Variants in NRG3 observed in about 807,000 individuals in gnomAD.
The protein encoded by NRG3 is neuregulin 3.
NRG3 carries 31 observed loss-of-function variants against 66.9 expected under a neutral mutation model. The ratio of observed to expected loss-of-function variants is 0.46; its 90% CI spans 0.35 to 0.63. The LOEUF (loss-of-function observed/expected upper bound fraction) is 0.63. Among genes scored for constraint, NRG3 ranks in the 20% least tolerant of loss-of-function variants. NRG3 has a pLI of 0.00. For synonymous variants in NRG3, 393 were observed against 359.4 expected, an observed-to-expected ratio of 1.09 and a Z score of -1.06; for missense variants, 910 against 878.9, an observed-to-expected ratio of 1.04 and a Z score of -0.45.
intron 1 of NRG3, among the ~76,000 whole-genome samples, chr10:82,245,978 GTTTT>G (rs372596396): frequency 1.9e-5 from 2 of 103,298 alleles, no homozygotes; most frequent in African/African-American, 3.8e-5. Flanking sequence ...CAGTCTTCTG[GTTTT>G]TTTTTTTTTT....
intron 4 of NRG3, among the ~76,000 whole-genome samples, chr10:82,943,978 T>G (rs942873656): frequency 1.3e-5 from 2 of 152,212 alleles, no homozygotes; most frequent in Non-Finnish European, 2.9e-5. Flanking sequence ...AGTAGCATAC[T>G]TGCAGTCACT....
In NRG3 at chr10:81,968,873, A is replaced by T. The variant is rs2059826992; in HGVS notation, c.823+92710A>T. Among the ~76,000 whole-genome samples, 2 of 152,112 alleles carry T rather than the reference A, an allele frequency of 1.3e-5. 1 individual carries two copies. Among genetic ancestry groups the T allele is most frequent in the South Asian group, 4.1e-4 (2 of 4,826 alleles). ...GAGGCAGGTGCTTATCTCTTTGGAG[A>T]TGTGCTGAGGCAGAATCAGATCAAC... On this transcript the variant is annotated intron_variant, in intron 1 of 8. Coordinates refer to ENST00000372141, the MANE Select transcript of NRG3 (RefSeq NM_001010848.4).
At chr10:82,298,672 G>T (rs1262081036) in intron 1 of NRG3, among the ~76,000 whole-genome samples, 1 of 152,018 alleles carries the variant, frequency 6.6e-6, no homozygotes, top group Non-Finnish European at 1.5e-5. Context: ...TAGTATCTGT[G>T]CTCAGTGTCC....
At chr10:82,191,914 T>C (rs763620076) in intron 1 of NRG3, among the ~76,000 whole-genome samples, 41 of 152,186 alleles carry the variant, frequency 2.7e-4, no homozygotes, top group Middle Eastern at 3.2e-3. Flanking sequence ...CCTCTGGCCC[T>C]GCGGTTGAGG....
chr10:82,427,486 G>A (rs992060214), intron 2 of NRG3, among the ~76,000 whole-genome samples: 1 of 151,938 alleles, frequency 6.6e-6, no homozygotes, highest in Non-Finnish European at 1.5e-5. Context: ...GTATTACATC[G>A]ATTAATTTTT....
chr10:82,575,604 G>C (rs182071128), intron 2 of NRG3, among the ~76,000 whole-genome samples: 1 of 151,758 alleles, frequency 6.6e-6, no homozygotes, highest in Admixed American at 6.6e-5. Context: ...TGATGACATC[G>C]TTCCTTTGGC....
rs547350967 is a variant in NRG3, at chr10:82,208,757, A to G, written c.824-149982A>G. On this transcript the variant is annotated intron_variant, in intron 1 of 8. Transcript: ENST00000372141. ...CGCAGAGCTAAACCAATACAGTTTC[A>G]TGCCTCATAACAATTTAATAAATAT... 2.6e-4 allele frequency among the ~76,000 whole-genome samples: 40 copies of G among 152,272 alleles called. 1 individual carries two copies. In the South Asian group the frequency reaches 8.1e-3, roughly 31 times the overall value.
chr10:82,167,749 CCTT>C (rs879530267), intron 1 of NRG3, among the ~76,000 whole-genome samples: 1 of 152,090 alleles, frequency 6.6e-6, no homozygotes, highest in East Asian at 1.9e-4. Context: ...ATATTTACCA[CCTT>C]CTTTTTAATA....
At chr10:82,038,680 T>C (rs1246683898) in intron 1 of NRG3, among the ~76,000 whole-genome samples, 1 of 152,168 alleles carries the variant, frequency 6.6e-6, no homozygotes, top group Non-Finnish European at 1.5e-5. Context: ...CAGAGCCTAG[T>C]GGTAGTTAAT....
intron 3 of NRG3, among the ~76,000 whole-genome samples, chr10:82,818,608 C>T (rs142604140): frequency 0.011 from 1,748 of 152,132 alleles, 31 homozygotes; most frequent in African/African-American, 0.039. Context: ...TCCTGTCTAG[C>T]GGAGGGTGGG....
intron 3 of NRG3, among the ~76,000 whole-genome samples, chr10:82,748,278 C>A (rs2058723673): frequency 6.6e-6 from 1 of 151,318 alleles, no homozygotes; most frequent in South Asian, 2.1e-4. Context: ...TGAAAAACAA[C>A]CAATATATGA....
intron 1 of NRG3, among the ~76,000 whole-genome samples, chr10:82,186,812 A>G (rs1436606247): frequency 6.6e-6 from 1 of 152,188 alleles, no homozygotes; most frequent in African/African-American, 2.4e-5. Context: ...TCCCTTTCGT[A>G]GAAGATTCTG....
At chr10:82,949,624 G>GTTA (rs1849331057) in intron 4 of NRG3, among the ~76,000 whole-genome samples, 1 of 152,258 alleles carries the variant, frequency 6.6e-6, no homozygotes, top group East Asian at 1.9e-4. Context: ...GGAGGCCGAG[G>GTTA]CAGGCAGATC....
intron 5 of NRG3, among the ~76,000 whole-genome samples, chr10:82,956,253 T>G (rs1012502186): frequency 2.6e-5 from 4 of 151,984 alleles, no homozygotes; most frequent in African/African-American, 9.7e-5. Context: ...ACTGTAAAGT[T>G]TCCACACTGA....
intron 2 of NRG3, among the ~76,000 whole-genome samples, chr10:82,620,635 G>C (rs1263266906): frequency 1.3e-5 from 2 of 152,106 alleles, no homozygotes; most frequent in Non-Finnish European, 2.9e-5. Flanking sequence ...TTTGGAAAAG[G>C]CAACATTCTA....
intron 3 of NRG3, among the ~76,000 whole-genome samples, chr10:82,820,380 C>T (rs1163452866): frequency 6.6e-6 from 1 of 152,122 alleles, no homozygotes; most frequent in East Asian, 1.9e-4. Context: ...TTTTCCTTCT[C>T]TTTATATTGG....
intron 2 of NRG3, among the ~76,000 whole-genome samples, chr10:82,392,505 C>T (rs1437068087): frequency 1.3e-5 from 2 of 152,104 alleles, no homozygotes; most frequent in Non-Finnish European, 2.9e-5. Context: ...ATTACTGTTG[C>T]ATTTTTCTGA....
intron 1 of NRG3, among the ~76,000 whole-genome samples, chr10:82,109,577 GTA>G (rs139348809): frequency 0.37 from 45,306 of 123,912 alleles, 7,438 homozygotes; most frequent in Non-Finnish European, 0.42. Flanking sequence ...GTGTGTGTGT[GTA>G]TATATATATT....
chr10:82,736,918 A>AGGAC (rs2058182525), intron 2 of NRG3, among the ~76,000 whole-genome samples: 1 of 152,252 alleles, frequency 6.6e-6, no homozygotes, highest in Non-Finnish European at 1.5e-5. Context: ...GCACATACGT[A>AGGAC]GGACGTAATT....
Sources: gnomAD v4.1 joint callset for allele counts (sites outside exome capture counted in the v4.1 genomes callset) on GRCh38, gnomAD v4.1.1 for gene constraint, MANE v1.5 for transcripts, NCBI Gene and HGNC (gene_info 2026-07-23, HGNC 2026-07-21) for gene names.